SPOCK1: variants seen among roughly 807,000 people sequenced by gnomAD.
The protein encoded by SPOCK1 is SPARC (osteonectin), cwcv and kazal like domains proteoglycan 1.
SPOCK1 carries 23 observed loss-of-function variants against 55.3 expected under a neutral mutation model. That is an observed-to-expected ratio of 0.42 (90% CI 0.30 to 0.59). The LOEUF (loss-of-function observed/expected upper bound fraction) is 0.59, where lower values mean the gene tolerates loss of function less well. Ranked by LOEUF, SPOCK1 falls within the 20% of genes least tolerant of loss-of-function variation. The pLI is 0.22. For synonymous variants in SPOCK1, 226 were observed against 221.0 expected (o/e 1.02, Z -0.20); for missense variants, 499 against 552.5 (o/e 0.90, Z 0.97).
intron 6 of SPOCK1, among the ~76,000 whole-genome samples, chr5:137,021,659 T>G (rs1048777991): frequency 2.0e-5 from 3 of 152,206 alleles, no homozygotes; most frequent in Non-Finnish European, 4.4e-5. Context: ...CTGGCAGCCA[T>G]GAGAGAACAT....
chr5:137,455,964 G>T (rs1000787821), intron 2 of SPOCK1, among the ~76,000 whole-genome samples: 4 of 152,026 alleles, frequency 2.6e-5, no homozygotes, highest in Non-Finnish European at 5.9e-5. Context: ...AGGATCCAAG[G>T]GTACAGTGAG....
At chr5:137,470,832 T>G (rs1169828032) in intron 2 of SPOCK1, among the ~76,000 whole-genome samples, 1 of 152,144 alleles carries the variant, frequency 6.6e-6, no homozygotes, top group Non-Finnish European at 1.5e-5. Flanking sequence ...CTGCCCAGTG[T>G]CTGGCAGAAT....
chr5:136,992,721 C>A (rs1399952871), intron 6 of SPOCK1, 121 bp from the exon 7 acceptor site: 1 of 661,072 alleles, frequency 1.5e-6, no homozygotes, highest in Non-Finnish European at 2.5e-6. Context: ...ATAACTGTTA[C>A]CTCACGTGGA....
chr5:137,311,664 TA>T (rs1308920896), intron 2 of SPOCK1, among the ~76,000 whole-genome samples: 1 of 152,206 alleles, frequency 6.6e-6, no homozygotes. Flanking sequence ...TTTTGATAAA[TA>T]TCATGTATAC....
chr5:137,241,188 G>A (rs1444585228), intron 3 of SPOCK1, among the ~76,000 whole-genome samples: 2 of 152,084 alleles, frequency 1.3e-5, no homozygotes, highest in Non-Finnish European at 2.9e-5. Flanking sequence ...AGTGGAAAAG[G>A]CCTTTAAGAC....
At chr5:137,472,376 A>C (rs961667368) in intron 2 of SPOCK1, among the ~76,000 whole-genome samples, 7 of 152,100 alleles carry the variant, frequency 4.6e-5, no homozygotes, top group Admixed American at 6.5e-5. Flanking sequence ...TATTAGGTGT[A>C]CAAAAAAAAA....
At chr5:137,492,045 C>T (rs1039417362) in intron 2 of SPOCK1, among the ~76,000 whole-genome samples, 9 of 152,184 alleles carry the variant, frequency 5.9e-5, no homozygotes, top group Admixed American at 4.6e-4. Flanking sequence ...GCTTGGTCAA[C>T]ACAGTGGACA....
chr5:137,395,847 C>T (rs554431912), intron 2 of SPOCK1, among the ~76,000 whole-genome samples: 7 of 152,154 alleles, frequency 4.6e-5, no homozygotes, highest in Non-Finnish European at 8.8e-5. Flanking sequence ...TGTGCACTTA[C>T]CCTCTGAGAA....
intron 3 of SPOCK1, among the ~76,000 whole-genome samples, chr5:137,191,197 G>T (rs1027999933): frequency 6.6e-6 from 1 of 152,202 alleles, no homozygotes; most frequent in African/African-American, 2.4e-5. Flanking sequence ...TAACCTCTCT[G>T]AGTGTTTCCT....
At chr5:137,190,383 C>G (rs1205606573) in intron 3 of SPOCK1, among the ~76,000 whole-genome samples, 1 of 152,188 alleles carries the variant, frequency 6.6e-6, no homozygotes, top group African/African-American at 2.4e-5. Flanking sequence ...GCCATCAACA[C>G]TGAAGCAAGA....
chr5:137,286,575 T>C (rs2127128192), intron 2 of SPOCK1, among the ~76,000 whole-genome samples: 1 of 152,140 alleles, frequency 6.6e-6, no homozygotes, highest in East Asian at 1.9e-4. Context: ...GCAGCCCTGC[T>C]AGTGTACCTC....
At chr5:136,984,163 G>T (rs1156291090) in intron 9 of SPOCK1, among the ~76,000 whole-genome samples, 1 of 152,192 alleles carries the variant, frequency 6.6e-6, no homozygotes, top group African/African-American at 2.4e-5. Flanking sequence ...GGCCTAAAGA[G>T]TTCGAAATCC....
chr5:137,126,837 T>A (rs1753790947), intron 4 of SPOCK1, among the ~76,000 whole-genome samples: 1 of 152,212 alleles, frequency 6.6e-6, no homozygotes, highest in Non-Finnish European at 1.5e-5. Flanking sequence ...CATGTCCTAG[T>A]GTCTGTGGAA....
chr5:137,001,073 G>A (rs1751139399), intron 6 of SPOCK1, among the ~76,000 whole-genome samples: 1 of 152,146 alleles, frequency 6.6e-6, no homozygotes, highest in African/African-American at 2.4e-5. Context: ...AGATCCCAGT[G>A]GTGCCATCCT....
At chr5:136,982,672 A>T (rs1750754541) in intron 9 of SPOCK1, among the ~76,000 whole-genome samples, 1 of 152,036 alleles carries the variant, frequency 6.6e-6, no homozygotes, top group Non-Finnish European at 1.5e-5. Context: ...CACTTCCCCC[A>T]ATTGTCTGGA....
At chr5:137,162,340 T>C (rs1754574003) in intron 3 of SPOCK1, among the ~76,000 whole-genome samples, 1 of 152,042 alleles carries the variant, frequency 6.6e-6, no homozygotes. Flanking sequence ...GGTTTCACCA[T>C]GTTAGCCAAG....
intron 6 of SPOCK1, among the ~76,000 whole-genome samples, chr5:137,010,016 G>C (rs546433681): frequency 1.4e-3 from 220 of 152,168 alleles, no homozygotes; most frequent in African/African-American, 5.1e-3. Context: ...TGTTCACCTG[G>C]GGAATCTTCT....
chr5:137,255,454 T>G (rs906766310), intron 3 of SPOCK1, among the ~76,000 whole-genome samples: 1 of 152,246 alleles, frequency 6.6e-6, no homozygotes, highest in Non-Finnish European at 1.5e-5. Context: ...TTACTTATAC[T>G]CAAATGTTTT....
chr5:137,494,430 C>T (rs956545304), intron 2 of SPOCK1, among the ~76,000 whole-genome samples: 2 of 152,196 alleles, frequency 1.3e-5, no homozygotes, highest in Non-Finnish European at 2.9e-5. Context: ...AGCTCCTCCA[C>T]ATCTCAGCTC....
Sources: gnomAD v4.1 joint callset for allele counts (sites outside exome capture counted in the v4.1 genomes callset) on GRCh38, gnomAD v4.1.1 for gene constraint, MANE v1.5 for transcripts, NCBI Gene and HGNC (gene_info 2026-07-23, HGNC 2026-07-21) for gene names.